The following PNPT1 variants were observed in gnomAD, a reference collection of about 807,000 sequenced individuals.
The protein encoded by PNPT1 is polyribonucleotide nucleotidyltransferase 1, also known as polyribonucleotide nucleotidyltransferase 1, mitochondrial.
In PNPT1, 53 loss-of-function variants were observed where a neutral mutation model predicts 119.5. The observed-to-expected ratio is 0.44, with a 90% CI of 0.36 to 0.56. The LOEUF (loss-of-function observed/expected upper bound fraction) is 0.56. Among genes scored for constraint, PNPT1 ranks in the 20% least tolerant of loss-of-function variants. The pLI is 0.00. For synonymous variants in PNPT1, 357 were observed against 322.1 expected (o/e 1.11, Z -1.16); for missense variants, 948 against 938.5 (o/e 1.01, Z -0.13).
Position 55,657,685 on chromosome 2 carries a change from T to A in PNPT1, c.1285-1314A>T, listed in dbSNP as rs570851803. Among the ~76,000 whole-genome samples the A allele has an allele frequency of 2.0e-5, 3 of 150,972 alleles. No individual in the cohort carries two copies. The South Asian group carries it at 6.3e-4, about 32-fold the overall frequency. On this transcript the variant is annotated intron_variant, in intron 15 of 27. Coordinates refer to ENST00000447944, the MANE Select transcript of PNPT1 (RefSeq NM_033109.5). ...ACAGGCATGAGCCACCGCTCTTAAA[T>A]GCAGTGGATGGAGCAGGAATCTGAT...
At chr2:55,659,112 G>A (rs1696483878) in intron 15 of PNPT1, among the ~76,000 whole-genome samples, 1 of 151,952 alleles carries the variant, frequency 6.6e-6, no homozygotes, top group Non-Finnish European at 1.5e-5. Context: ...ATGCCACCAT[G>A]CTTGGCTAAT....
At chr2:55,687,870 G>C (rs946870486) in intron 1 of PNPT1, among the ~76,000 whole-genome samples, 165 bp from the exon 2 acceptor site, 1 of 152,110 alleles carries the variant, frequency 6.6e-6, no homozygotes, top group Non-Finnish European at 1.5e-5. Context: ...AGTAAAAGTG[G>C]AATTTAAGAG....
chr2:55,669,761 A>AT (rs1559103080), intron 11 of PNPT1, among the ~76,000 whole-genome samples: 1 of 147,124 alleles, frequency 6.8e-6, no homozygotes. Context: ...TGCTAACAGC[A>AT]CTTTTTTTTT....
Position 55,637,608 on chromosome 2 carries a change from A to C in PNPT1, c.2149-9T>G. The C allele has an allele frequency of 6.3e-7, 1 of 1,592,644 alleles. No individual in the cohort carries two copies. The highest frequency in any genetic ancestry group is 1.1e-5 in the South Asian group (1 of 90,638). ...GCAGTAGGATGTTTAATCTGGAAAA[A>C]AAAATGTTAATCTATTAGTTGTTGT... On this transcript the variant is annotated splice_polypyrimidine_tract_variant and intron_variant, in intron 26 of 27. Coordinates refer to ENST00000447944, the MANE Select transcript of PNPT1 (RefSeq NM_033109.5).
intron 1 of PNPT1, 38 bp downstream of exon 1, chr2:55,693,625 A>G: frequency 6.2e-7 from 1 of 1,604,700 alleles, no homozygotes; most frequent in Non-Finnish European, 8.5e-7. Context: ...TGGACAAGAC[A>G]CCTTATGACA....
In PNPT1 at chr2:55,644,666, T is replaced by C. The variant is rs1695931638; in HGVS notation, c.1877A>G (p.Tyr626Cys). 5 of 1,612,368 alleles carry C rather than the reference T, an allele frequency of 3.1e-6. No individual in the cohort carries two copies. The highest frequency in any genetic ancestry group is 4.2e-6 in the Non-Finnish European group (5 of 1,178,718). Residue 626 changes from tyrosine to cysteine, a missense_variant, in exon 23 of 28, where the codon TAT (tyrosine) becomes TGT (cysteine). Physicochemically the swap from Tyr to Cys is radical, Grantham distance 194. Coordinates refer to ENST00000447944, the MANE Select transcript of PNPT1 (RefSeq NM_033109.5). ...TTCAGCCTGAAGTTTTTTTAAGTTATAGCCACCAGGTCCAACAAATTTTGC... is the reference window on the plus strand; with the variant it reads ...TTCAGCCTGAAGTTTTTTTAAGTTACAGCCACCAGGTCCAACAAATTTTGC... ...KRAKFVGPGG[Y>C]NLKKLQAETG...
At position 55,672,661 on chromosome 2, in the gene PNPT1, T is replaced by C. The variant is rs534945850; in HGVS notation, c.866+232A>G. The stretch of plus-strand genomic sequence containing the variant: ...GAGAGATGTGGTGCTTACCTGAATC[T>C]TGACCAATAAACACACTCTTTCATT... On this transcript the variant is annotated intron_variant, in intron 9 of 27. Coordinates refer to ENST00000447944, the MANE Select transcript of PNPT1 (RefSeq NM_033109.5). Among the ~76,000 whole-genome samples the C allele has an allele frequency of 1.6e-4, 24 of 152,342 alleles. No homozygotes were observed. In the South Asian group the frequency reaches 5.0e-3, roughly 32 times the overall value.
intron 11 of PNPT1, among the ~76,000 whole-genome samples, chr2:55,669,873 C>T (rs1696853279): frequency 6.6e-6 from 1 of 151,644 alleles, no homozygotes. Flanking sequence ...ATTCTCATGC[C>T]TCAGCCTCCC....
chr2:55,659,145 AG>A (rs890611805), intron 15 of PNPT1, among the ~76,000 whole-genome samples: 22 of 152,058 alleles, frequency 1.4e-4, no homozygotes, highest in African/African-American at 5.3e-4. Context: ...TTGTAGAGAC[AG>A]GATCTCACTA....
chr2:55,683,661 A>G, intron 5 of PNPT1, 124 bp downstream of exon 5: 1 of 867,052 alleles, frequency 1.2e-6, no homozygotes, highest in Non-Finnish European at 1.7e-6. Context: ...ACGTAATGTA[A>G]AATATAACAG....
At position 55,645,341 on chromosome 2, in the gene PNPT1, T is replaced by G. The variant is rs1572797714; in HGVS notation, c.1822+8A>C. Reference sequence around the variant, plus strand: ...GCCCAGCCGATCACTAAAATTTTAATGTATTACCTACAACAGGTCCATTTT... The same window carrying G: ...GCCCAGCCGATCACTAAAATTTTAAGGTATTACCTACAACAGGTCCATTTT... On this transcript the variant is annotated splice_region_variant and intron_variant, in intron 22 of 27. Coordinates refer to ENST00000447944, the MANE Select transcript of PNPT1 (RefSeq NM_033109.5). 2 of 1,591,204 alleles carry G rather than the reference T, an allele frequency of 1.3e-6. No individual in the cohort carries two copies. The highest frequency in any genetic ancestry group is 1.7e-6 in the Non-Finnish European group (2 of 1,161,686).
At position 55,680,733 on chromosome 2, in the gene PNPT1, T is replaced by C; in HGVS notation, c.544A>G (p.Ile182Val). The C allele has an allele frequency of 2.5e-6, 4 of 1,613,610 alleles. No homozygotes were observed. The highest frequency in any genetic ancestry group is 3.4e-6 in the Non-Finnish European group (4 of 1,179,810). The change falls in exon 7 of 28, where the codon ATT (isoleucine) becomes GTT (valine). Residue 182 changes from isoleucine to valine, a missense_variant. Physicochemically the swap from Ile to Val is conservative, Grantham distance 29. Coordinates refer to ENST00000447944, the MANE Select transcript of PNPT1 (RefSeq NM_033109.5). Reference protein sequence around the residue: ...GASVALSLSDIPWNGPVGAVR... With the variant: ...GASVALSLSDVPWNGPVGAVR... ...TTACCAACAGGTCCATTCCAAGGAATATCTGATAATGAGAGGGCTACGGAA... is the reference window on the plus strand; with the variant it reads ...TTACCAACAGGTCCATTCCAAGGAACATCTGATAATGAGAGGGCTACGGAA...
At chr2:55,682,460 C>CA (rs796742631) in intron 5 of PNPT1, among the ~76,000 whole-genome samples, 48 of 135,270 alleles carry the variant, frequency 3.5e-4, no homozygotes, top group South Asian at 3.0e-3. Flanking sequence ...GACTCTGTCT[C>CA]AAAAAAAAAA....
At chr2:55,668,877 G>C (rs1288415765) in intron 11 of PNPT1, among the ~76,000 whole-genome samples, 1 of 152,234 alleles carries the variant, frequency 6.6e-6, no homozygotes, top group Middle Eastern at 3.2e-3. Context: ...TGGGATTACA[G>C]GCGTGAGCCA....
At chr2:55,675,098 A>G (rs1022663941) in intron 8 of PNPT1, among the ~76,000 whole-genome samples, 2 of 151,844 alleles carry the variant, frequency 1.3e-5, no homozygotes, top group Admixed American at 6.6e-5. Context: ...CTGTCCCTAA[A>G]AAGATAACAA....
chr2:55,673,020 C>G lies in PNPT1; in HGVS notation c.739G>C (p.Val247Leu), dbSNP rs574988767. ...ATTTGTTGGGTATATTTCACTCCCA[C>G]TTTGATAGCATGGCAAAAGTCCTGC... Reference protein sequence around the residue: ...LQQDFCHAIKVGVKYTQQIIQ... With the variant: ...LQQDFCHAIKLGVKYTQQIIQ... Residue 247 changes from valine to leucine, a missense_variant, in exon 9 of 28, where the codon GTG becomes CTG. Val to Leu is a conservative substitution (Grantham distance 32). Transcript: ENST00000447944. The G allele has an allele frequency of 5.0e-6, 8 of 1,612,678 alleles. No homozygotes were observed. The South Asian group carries it at 5.5e-5, about 11-fold the overall frequency.
At chr2:55,643,239 A>G in intron 24 of PNPT1, 26 bp from the exon 25 acceptor site, 1 of 1,614,132 alleles carries the variant, frequency 6.2e-7, no homozygotes, top group Non-Finnish European at 8.5e-7. Context: ...AAGCCATAAG[A>G]TTCATAAAGA....
At chr2:55,668,171 T>C (rs1696798713) in intron 11 of PNPT1, among the ~76,000 whole-genome samples, 1 of 152,250 alleles carries the variant, frequency 6.6e-6, no homozygotes, top group African/African-American at 2.4e-5. Flanking sequence ...GTGTTGTTAT[T>C]GTGAACTTAG....
chr2:55,686,263 T>C (rs1572836288), intron 3 of PNPT1, 107 bp downstream of exon 3: 17 of 955,322 alleles, frequency 1.8e-5, no homozygotes, highest in Non-Finnish European at 2.5e-5. Context: ...AAATTCTTTG[T>C]TGTGCAAGTT....
Sources: gnomAD v4.1 joint callset for allele counts (sites outside exome capture counted in the v4.1 genomes callset) on GRCh38, gnomAD v4.1.1 for gene constraint, MANE v1.5 for transcripts, NCBI Gene and HGNC (gene_info 2026-07-23, HGNC 2026-07-21) for gene names.